MINDY1: variants seen among roughly 807,000 people sequenced by gnomAD.
The protein encoded by MINDY1 is ubiquitin carboxyl-terminal hydrolase MINDY-1.
MINDY1 carries 50 observed loss-of-function variants against 53.6 expected under a neutral mutation model. The ratio of observed to expected loss-of-function variants is 0.93; its 90% CI spans 0.74 to 1.18. The LOEUF is 1.18. MINDY1 is among the 50% of genes most tolerant of loss of function. The pLI is 0.00. For missense variants in MINDY1, 484 were observed against 578.6 expected (o/e 0.84, Z 1.68); for synonymous variants, 231 against 234.7 (o/e 0.98, Z 0.14).
At chr1:151,007,472 C>T (rs587707016), upstream of MINDY1, among the ~76,000 whole-genome samples, 10 of 152,224 alleles carry the variant, frequency 6.6e-5, no homozygotes, top group African/African-American at 2.4e-4. Flanking sequence ...CCACTGCACT[C>T]CAGCCTGAAG....
chr1:150,998,223 T>A lies in MINDY1; in HGVS notation c.1032A>T (p.Gln344His). Residue 344 changes from glutamine to histidine, a missense_variant, in exon 8 of 10, where the codon CAA becomes CAT. Physicochemically the swap from Gln to His is conservative, Grantham distance 24. Transcript: ENST00000683666. ...VTDQGFLQEE[Q>H]VVWESLHNVD... The stretch of plus-strand genomic sequence containing the variant: ...CATTGTGCAGGCTCTCCCATACGAC[T>A]TGCTCCTCCTGTAGAAAGCCCTGGT... 1 of 1,614,192 alleles carries A rather than the reference T, an allele frequency of 6.2e-7. No individual in the cohort carries two copies. The highest frequency in any genetic ancestry group is 8.5e-7 in the Non-Finnish European group (1 of 1,180,042).
intron 8 of MINDY1, 72 bp from the exon 9 acceptor site, chr1:150,997,851 A>C: frequency 6.7e-7 from 1 of 1,487,762 alleles, no homozygotes; most frequent in Non-Finnish European, 9.1e-7. Flanking sequence ...TTTCCAAATC[A>C]GTTTTCCCAC....
At chr1:151,004,625 G>A (rs1255808377) in intron 1 of MINDY1, among the ~76,000 whole-genome samples, 1 of 152,102 alleles carries the variant, frequency 6.6e-6, no homozygotes, top group Non-Finnish European at 1.5e-5. Flanking sequence ...AGCTGCTCGG[G>A]AGGCTGAGGT....
chr1:151,004,360 C>T (rs765293923), intron 1 of MINDY1, among the ~76,000 whole-genome samples: 1 of 152,136 alleles, frequency 6.6e-6, no homozygotes, highest in Non-Finnish European at 1.5e-5. Context: ...ACAAATCCTG[C>T]CCTTTGGAAA....
chr1:150,997,302 G>C lies in MINDY1; in HGVS notation c.1395C>G (p.Asp465Glu). Residue 465 changes from aspartate (D) to glutamate (E), a missense_variant, in exon 10 of 10, where the codon GAC becomes GAG. By Grantham distance (45) the Asp-to-Glu change is conservative (BLOSUM62 2). Coordinates refer to ENST00000683666, the MANE Select transcript of MINDY1 (RefSeq NM_001376665.1). Reference sequence around the variant, plus strand: ...TGGGGCAGAGCTACAGCAGAATGCAGTCTGACTCGTGCTTCGGCCTCTGCC... The same window carrying C: ...TGGGGCAGAGCTACAGCAGAATGCACTCTGACTCGTGCTTCGGCCTCTGCC... ...ERRQRPKHESDCILL is the reference protein window; with the variant it reads ...ERRQRPKHESECILL 1 of 1,595,060 alleles carries C rather than the reference G, an allele frequency of 6.3e-7. No individual in the cohort carries two copies. The highest frequency in any genetic ancestry group is 8.6e-7 in the Non-Finnish European group (1 of 1,169,130).
At chr1:151,000,723 C>G in intron 4 of MINDY1, 108 bp from the exon 5 acceptor site, 2 of 1,222,368 alleles carry the variant, frequency 1.6e-6, no homozygotes, top group Non-Finnish European at 2.2e-6. Flanking sequence ...CCCTGATTCT[C>G]TTACAAGCCA....
rs1672520353 is a variant in MINDY1 at position 151,001,148 on chromosome 1, T to C, written c.576+102A>G. On this transcript the variant is annotated intron_variant, in intron 4 of 9. Coordinates refer to ENST00000683666, the MANE Select transcript of MINDY1 (RefSeq NM_001376665.1). ...TGACTCCTGCAGAATGAAATCATGG[T>C]TCAAGGAAACCTCTGAAGAAGCAAC... The C allele has an allele frequency of 3.2e-6, 4 of 1,230,910 alleles. No individual in the cohort carries two copies. The African/African-American group carries it at 4.5e-5, about 14-fold the overall frequency. The allele number at this position is 1,230,910 out of a possible 1,614,324, so 76.2% of individuals were successfully genotyped here. A position where few individuals can be genotyped will look rare whatever the true frequency, so the allele number is the denominator to read the frequency against.
rs587764832 is a variant in MINDY1, at chr1:151,006,508, A to G, written c.-286T>C. On this transcript the variant is annotated 5_prime_UTR_variant, in exon 1 of 10. Coordinates refer to ENST00000683666, the MANE Select transcript of MINDY1 (RefSeq NM_001376665.1). The stretch of plus-strand genomic sequence containing the variant: ...TGTGGCCACTTCCGGACTCACGCCC[A>G]GTACTGGGGGCACTGGAGGAGGGTG... 6.8e-6 allele frequency: 7 copies of G among 1,027,098 alleles called. No individual in the cohort carries two copies. Among genetic ancestry groups the G allele is most frequent in the Admixed American group, 1.1e-4 (2 of 18,498 alleles). The allele number at this position is 1,027,098 out of a possible 1,614,324, so 63.6% of individuals were successfully genotyped here. A position where few individuals can be genotyped will look rare whatever the true frequency, so the allele number is the denominator to read the frequency against.
Position 151,001,296 on chromosome 1 carries a change from A to C in MINDY1, c.530T>G (p.Ile177Ser). 4.3e-6 allele frequency: 7 copies of C among 1,614,150 alleles called. No individual in the cohort carries two copies. The highest frequency in any genetic ancestry group is 5.1e-6 in the Non-Finnish European group (6 of 1,180,016). The change falls in exon 4 of 10, where the codon ATC becomes AGC. Residue 177 changes from isoleucine (I) to serine (S), a missense_variant. Ile to Ser is a moderately radical substitution (Grantham distance 142). Coordinates refer to ENST00000683666, the MANE Select transcript of MINDY1 (RefSeq NM_001376665.1). Reference sequence around the variant, plus strand: ...TCCCTCTGACTTCTCCTGGGGCTTGATGGACAGGAGGCAGTTTCCTACAAG... The same window carrying C: ...TCCCTCTGACTTCTCCTGGGGCTTGCTGGACAGGAGGCAGTTTCCTACAAG... ...MAHLGNCLLS[I>S]KPQEKSEGLQ...
chr1:151,001,967 A>G (rs1672633454), intron 2 of MINDY1, among the ~76,000 whole-genome samples, 185 bp from the exon 3 acceptor site: 1 of 150,044 alleles, frequency 6.7e-6, no homozygotes, highest in African/African-American at 2.4e-5. Flanking sequence ...TAGGAGATAC[A>G]GGGGTAGGAC....
Position 151,000,000 on chromosome 1 carries a change from T to A in MINDY1, c.736-36A>T, listed in dbSNP as rs1036287020. 3 of 1,535,006 alleles carry A rather than the reference T, an allele frequency of 2.0e-6. No individual in the cohort carries two copies. On this transcript the variant is annotated intron_variant, in intron 5 of 9. Transcript: ENST00000683666. The surrounding 1 kb of genome is among the most constrained non-coding windows in gnomAD (Gnocchi z 4.4). ...AGTGGGATGTGGGATACCAAAAAAA[T>A]TGGGATTTTTTTTTCTTTTTTAAGG... is the stretch of plus-strand genomic sequence containing the variant.
chr1:151,004,178 C>A (rs1158888372), intron 1 of MINDY1, among the ~76,000 whole-genome samples: 1 of 152,132 alleles, frequency 6.6e-6, no homozygotes, highest in Non-Finnish European at 1.5e-5. Context: ...CCACCTTGGC[C>A]TCCCAAAGTG....
chr1:151,001,120 C>T lies in MINDY1; in HGVS notation c.576+130G>A. The T allele has an allele frequency of 2.0e-5, 19 of 962,200 alleles. No homozygotes were observed. The South Asian group carries it at 2.9e-4, about 14-fold the overall frequency. 59.6% of individuals were successfully genotyped at this position (962,200 alleles called of 1,614,324 possible). On this transcript the variant is annotated intron_variant, in intron 4 of 9. Transcript: ENST00000683666. The stretch of plus-strand genomic sequence containing the variant: ...TTTTCTAGGACAAAGATAAACTCTC[C>T]TCTGACTCCTGCAGAATGAAATCAT...
chr1:151,002,627 G>A lies in MINDY1; in HGVS notation c.-10C>T. On this transcript the variant is annotated 5_prime_UTR_variant, in exon 2 of 10. Coordinates refer to ENST00000683666, the MANE Select transcript of MINDY1 (RefSeq NM_001376665.1). The surrounding 1 kb of genome is among the most constrained non-coding windows in gnomAD (Gnocchi z 4.1). ...GCTGATGGTATTCCATGGTCAAAAG[G>A]GACTTGGCTGAGGGGCACTGAAGGT... 6.2e-7 allele frequency: 1 copy of A among 1,614,066 alleles called. No homozygotes were observed. Among genetic ancestry groups the A allele is most frequent in the Non-Finnish European group, 8.5e-7 (1 of 1,179,934 alleles).
chr1:151,001,301 C>T lies in MINDY1; in HGVS notation c.525G>A (p.Leu175=), dbSNP rs754524218. Residue 175 remains leucine, a synonymous_variant, in exon 4 of 10, where the codon CTG becomes CTA. Transcript: ENST00000683666. ...ELMAHLGNCL[L]SIKPQEKSEG... is the part of the protein sequence containing the mutation. The stretch of plus-strand genomic sequence containing the variant: ...CTGACTTCTCCTGGGGCTTGATGGA[C>T]AGGAGGCAGTTTCCTACAAGACAGG... The T allele has an allele frequency of 3.1e-6, 5 of 1,614,058 alleles. No individual in the cohort carries two copies. The Admixed American group carries it at 6.7e-5, about 22-fold the overall frequency.
chr1:151,006,304 G>C lies in MINDY1; in HGVS notation c.-90+8C>G. On this transcript the variant is annotated splice_region_variant and intron_variant, in intron 1 of 9. Transcript: ENST00000683666. ...AGGTGAAGAAGATGATTAAAATAAA[G>C]TTTTTACCTTAAAGAAGGGGGTGCT... is the stretch of plus-strand genomic sequence containing the variant. 7.0e-7 allele frequency: 1 copy of C among 1,428,218 alleles called. No homozygotes were observed. Among genetic ancestry groups the C allele is most frequent in the Non-Finnish European group, 9.2e-7 (1 of 1,089,786 alleles). The allele number at this position is 1,428,218 out of a possible 1,614,324, so 88.5% of individuals were successfully genotyped here. A position where few individuals can be genotyped will look rare whatever the true frequency, so the allele number is the denominator to read the frequency against.
In MINDY1 at chr1:150,999,643, C is replaced by T. The variant is rs770802238; in HGVS notation, c.839-132G>A. On this transcript the variant is annotated intron_variant, in intron 6 of 9. Transcript: ENST00000683666. The surrounding 1 kb of genome is among the most constrained non-coding windows in gnomAD (Gnocchi z 4.4). ...CCTTCTGACGTCCCTTTCTTGAAAC[C>T]TGGCTGTATTCATTCACTTAACAAA... 1.1e-4 allele frequency: 135 copies of T among 1,249,462 alleles called. No individual in the cohort carries two copies. The highest frequency in any genetic ancestry group is 1.4e-4 in the South Asian group (10 of 70,710). The allele number at this position is 1,249,462 out of a possible 1,614,324, so 77.4% of individuals were successfully genotyped here.
chr1:151,006,737 G>A lies in MINDY1; in HGVS notation c.-515C>T. The A allele has an allele frequency of 3.0e-6, 3 of 985,634 alleles. No individual in the cohort carries two copies. The highest frequency in any genetic ancestry group is 3.6e-6 in the Non-Finnish European group (3 of 830,082). The allele number at this position is 985,634 out of a possible 1,614,324, so 61.1% of individuals were successfully genotyped here. On this transcript the variant is annotated 5_prime_UTR_variant, in exon 1 of 10. Coordinates refer to ENST00000683666, the MANE Select transcript of MINDY1 (RefSeq NM_001376665.1). ...ATTAGGCAAGGACAAGCTCCCTGGA[G>A]GAGGAGGGGCCTGCCCAGCGCTGGT... is the stretch of plus-strand genomic sequence containing the variant.
At position 150,999,907 on chromosome 1, in the gene MINDY1, T is replaced by A. The variant is rs767627973; in HGVS notation, c.793A>T (p.Ile265Phe). 6.2e-7 allele frequency: 1 copy of A among 1,613,934 alleles called. No individual in the cohort carries two copies. ...KLSYNQLVER[I>F]ITCKHSSDTN... is the part of the protein sequence containing the mutation. ...TCACTGGAGTGTTTGCAGGTGATGA[T>A]CCTCTCCACCAGCTGGTTGTAACTC... The change falls in exon 6 of 10, where the codon ATC becomes TTC. Residue 265 changes from isoleucine to phenylalanine, a missense_variant. Transcript: ENST00000683666. The surrounding 1 kb of genome is among the most constrained non-coding windows in gnomAD (Gnocchi z 4.4).
Sources: allele counts gnomAD v4.1 joint callset (sites outside exome capture counted in the v4.1 genomes callset), GRCh38; gene constraint gnomAD v4.1.1; non-coding constraint Gnocchi (gnomAD v3.1); transcripts MANE v1.5; gene names NCBI Gene and HGNC (gene_info 2026-07-23, HGNC 2026-07-21).